CRISPLD1: variants seen among roughly 807,000 people sequenced by gnomAD.
The protein encoded by CRISPLD1 is cysteine rich secretory protein LCCL domain containing 1, also known as cysteine-rich secretory protein LCCL domain-containing 1.
Under a neutral mutation model 77.5 loss-of-function variants are expected in CRISPLD1, and 60 were observed. The ratio of observed to expected loss-of-function variants is 0.77; its 90% CI spans 0.63 to 0.96. The LOEUF (loss-of-function observed/expected upper bound fraction) is 0.96. Among genes scored for constraint, CRISPLD1 ranks in the 40% least tolerant of loss-of-function variants. The pLI, the probability that CRISPLD1 is intolerant of heterozygous loss-of-function variation, is 0.00. For synonymous variants in CRISPLD1, 195 were observed against 200.1 expected (o/e 0.97, Z 0.22); for missense variants, 623 against 615.8 (o/e 1.01, Z -0.12).
rs1813379751 is a variant in CRISPLD1 at position 75,033,024 on chromosome 8, A to G, written c.*782A>G. 1 of 152,246 alleles carries G rather than the reference A, an allele frequency of 6.6e-6. No homozygotes were observed. Among genetic ancestry groups the G allele is most frequent in the Non-Finnish European group, 1.5e-5 (1 of 67,846 alleles). The allele number at this position is 152,246 out of a possible 1,614,324, so 9.4% of individuals were successfully genotyped here. On this transcript the variant is annotated 3_prime_UTR_variant, in exon 15 of 15. Coordinates refer to ENST00000262207, the MANE Select transcript of CRISPLD1 (RefSeq NM_031461.6). ...ATCCTGGCAAATACTCCTGCAGGCC[A>G]GGAAGTATAATAGCAAAAAGTTGAA...
chr8:75,031,742 A>G (rs760978792), intron 14 of CRISPLD1, among the ~76,000 whole-genome samples: 8 of 152,036 alleles, frequency 5.3e-5, no homozygotes, highest in Non-Finnish European at 7.4e-5. Flanking sequence ...GACTTGGGCA[A>G]TGATAATAAG....
chr8:75,018,570 T>C (rs1048868259), intron 10 of CRISPLD1, among the ~76,000 whole-genome samples: 7 of 146,868 alleles, frequency 4.8e-5, no homozygotes, highest in Non-Finnish European at 7.5e-5. Context: ...GGATTACAGG[T>C]GTGAGCCACC....
At chr8:75,014,995 A>C (rs1813003570) in intron 6 of CRISPLD1, 83 bp downstream of exon 6, 1 of 808,204 alleles carries the variant, frequency 1.2e-6, no homozygotes, top group African/African-American at 1.8e-5. Context: ...AAAAGCCAGA[A>C]GTGCACTTAA....
rs1812493171 is a variant in CRISPLD1, at chr8:74,986,200, A to G, written c.213A>G (p.Lys71=). The change falls in exon 2 of 15, where the codon AAA becomes AAG. Residue 71 remains lysine, a synonymous_variant. Transcript: ENST00000262207. ...AGAGTATTTTGGACCTTCATAATAA[A>G]TTACGAAGTCAGGTGTATCCAACAG... ...DMQSILDLHN[K]LRSQVYPTAS... is the part of the protein sequence containing the mutation. The G allele has an allele frequency of 1.2e-6, 2 of 1,614,178 alleles. No individual in the cohort carries two copies. The highest frequency in any genetic ancestry group is 1.7e-6 in the Non-Finnish European group (2 of 1,179,998).
intron 12 of CRISPLD1, among the ~76,000 whole-genome samples, chr8:75,020,984 A>G (rs909345068): frequency 5.3e-5 from 8 of 152,218 alleles, no homozygotes; most frequent in African/African-American, 1.9e-4. Context: ...TAGGAAAAAT[A>G]AAGTATGTCT....
At chr8:75,031,088 T>G (rs1813334507) in intron 14 of CRISPLD1, among the ~76,000 whole-genome samples, 1 of 152,036 alleles carries the variant, frequency 6.6e-6, no homozygotes, top group Non-Finnish European at 1.5e-5. Context: ...CACATTCATT[T>G]CCTAAGGCAC....
intron 4 of CRISPLD1, among the ~76,000 whole-genome samples, chr8:75,013,446 T>C (rs2128785398): frequency 6.6e-6 from 1 of 152,212 alleles, no homozygotes; most frequent in Non-Finnish European, 1.5e-5. Context: ...ATCAAACAAC[T>C]AAAGGCAGAT....
At chr8:74,998,903 C>T (rs16939013) in intron 2 of CRISPLD1, among the ~76,000 whole-genome samples, 6 of 151,150 alleles carry the variant, frequency 4.0e-5, no homozygotes, top group South Asian at 2.1e-4. Flanking sequence ...GAGACTAGAA[C>T]GAGATAATCA....
At chr8:75,017,001 T>G (rs368635431) in intron 8 of CRISPLD1, 46 bp from the exon 9 acceptor site, 1 of 1,571,012 alleles carries the variant, frequency 6.4e-7, no homozygotes, top group South Asian at 1.2e-5. Flanking sequence ...TATTTTGTAC[T>G]GACATTCAGA....
At chr8:74,989,315 T>C (rs548715562) in intron 2 of CRISPLD1, among the ~76,000 whole-genome samples, 3 of 152,192 alleles carry the variant, frequency 2.0e-5, no homozygotes, top group African/African-American at 7.2e-5. Flanking sequence ...TTGGGGTAAA[T>C]GGAGAAACTG....
At chr8:75,029,313 A>T in intron 13 of CRISPLD1, 74 bp from the exon 14 acceptor site, 1 of 1,464,556 alleles carries the variant, frequency 6.8e-7, no homozygotes, top group Non-Finnish European at 9.2e-7. Flanking sequence ...TCAGTCTATT[A>T]ATAATAGAAG....
rs1813044695 is a variant in CRISPLD1, at chr8:75,017,099, G to A, written c.982G>A (p.Val328Ile). The change falls in exon 9 of 15, where the codon GTA becomes ATA. Residue 328 changes from valine to isoleucine, a missense_variant. By Grantham distance (29) the Val-to-Ile change is conservative (BLOSUM62 3). Coordinates refer to ENST00000262207, the MANE Select transcript of CRISPLD1 (RefSeq NM_031461.6). ...TAGTAAAGCTAAAGTTATTGGCAGT[G>A]TACATTATGAAATGGTAAGTGTTAT... ...LDSKAKVIGS[V>I]HYEMQSSICR... The A allele has an allele frequency of 6.2e-7, 1 of 1,611,434 alleles. No individual in the cohort carries two copies. The highest frequency in any genetic ancestry group is 8.5e-7 in the Non-Finnish European group (1 of 1,178,224).
intron 2 of CRISPLD1, among the ~76,000 whole-genome samples, chr8:75,009,148 C>G (rs2128784278): frequency 6.6e-6 from 1 of 152,170 alleles, no homozygotes; most frequent in Middle Eastern, 3.4e-3. Context: ...TGAGGTGTCT[C>G]ATGATTGCCC....
At chr8:74,985,222 G>A (rs1812477323) in intron 1 of CRISPLD1, among the ~76,000 whole-genome samples, 1 of 152,134 alleles carries the variant, frequency 6.6e-6, no homozygotes, top group East Asian at 1.9e-4. Context: ...TTGCCGGGGA[G>A]CTGCTGGCTT....
intron 2 of CRISPLD1, among the ~76,000 whole-genome samples, chr8:74,989,631 G>A (rs1172093780): frequency 6.6e-6 from 1 of 150,814 alleles, no homozygotes; most frequent in Non-Finnish European, 1.5e-5. Flanking sequence ...TGAGTTCCTT[G>A]TAGATTCCAG....
rs927425701 is a variant in CRISPLD1, at chr8:75,021,609, C to T, written c.1244+1530C>T. Among the ~76,000 whole-genome samples, 14 of 152,210 alleles carry T rather than the reference C, an allele frequency of 9.2e-5. No homozygotes were observed. The East Asian group carries it at 1.7e-3, about 19-fold the overall frequency. ...TATTTTTGTGATAAAAATACAATCT[C>T]CTGTTACTAGAGCTTGACTAATTAT... On this transcript the variant is annotated intron_variant, in intron 12 of 14. Coordinates refer to ENST00000262207, the MANE Select transcript of CRISPLD1 (RefSeq NM_031461.6).
intron 2 of CRISPLD1, among the ~76,000 whole-genome samples, chr8:75,009,222 A>T (rs1439544390): frequency 2.6e-5 from 4 of 151,730 alleles, no homozygotes; most frequent in South Asian, 4.2e-4. Context: ...GGCTGGAAGA[A>T]CTCACATCTC....
chr8:74,997,839 G>A (rs1281059547), intron 2 of CRISPLD1, among the ~76,000 whole-genome samples: 2 of 152,174 alleles, frequency 1.3e-5, no homozygotes, highest in East Asian at 3.8e-4. Context: ...TCAATATTGA[G>A]GTCACTGATG....
chr8:74,991,701 T>C (rs1812575774), intron 2 of CRISPLD1, among the ~76,000 whole-genome samples: 1 of 152,154 alleles, frequency 6.6e-6, no homozygotes, highest in Non-Finnish European at 1.5e-5. Context: ...TGGCTAATTT[T>C]TTATTTTTAG....
Sources: allele counts gnomAD v4.1 joint callset (sites outside exome capture counted in the v4.1 genomes callset), GRCh38; gene constraint gnomAD v4.1.1; transcripts MANE v1.5; gene names NCBI Gene and HGNC (gene_info 2026-07-23, HGNC 2026-07-21).